Variants in AMPD3 observed in about 807,000 individuals in gnomAD.
The protein encoded by AMPD3 is AMP deaminase 3.
A neutral mutation model predicts 82.3 loss-of-function variants in AMPD3; 57 were observed. That is an observed-to-expected ratio of 0.69 (90% CI 0.56 to 0.86). The LOEUF (loss-of-function observed/expected upper bound fraction) is 0.86, where lower values mean the gene tolerates loss of function less well. AMPD3 is among the 40% of genes least tolerant of loss of function. AMPD3 has a pLI of 0.00. For synonymous variants in AMPD3, 381 were observed against 394.7 expected, an observed-to-expected ratio of 0.97 and a Z score of 0.41; for missense variants, 870 against 1,003.8, an observed-to-expected ratio of 0.87 and a Z score of 1.80.
In AMPD3 at chr11:10,456,437, A is replaced by T. The variant is rs532021087; in HGVS notation, c.-6+989A>T. On this transcript the variant is annotated intron_variant, in intron 1 of 14. Transcript: ENST00000396553. The surrounding 1 kb of genome is among the most constrained non-coding windows in gnomAD (Gnocchi z 4.3). ...GGGGCTTCTGCAAGGGGAGTCTGGC[A>T]AGAGTAGGAACCAGCTTCCTTCGTA... is the stretch of plus-strand genomic sequence containing the variant. 3 of 1,613,780 alleles carry T rather than the reference A, an allele frequency of 1.9e-6. No homozygotes were observed. In the African/African-American group the frequency reaches 4.0e-5, roughly 22 times the overall value.
chr11:10,455,872 T>A (rs957679588), intron 1 of AMPD3: 5 of 981,346 alleles, frequency 5.1e-6, no homozygotes, highest in Non-Finnish European at 6.1e-6. Context: ...CTGAGACCAA[T>A]CCCCTTGATA....
intron 11 of AMPD3, chr11:10,500,989 G>A (rs1306419011): frequency 3.0e-6 from 3 of 985,314 alleles, no homozygotes; most frequent in Non-Finnish European, 2.4e-6. Context: ...GAAATGGCCT[G>A]GCAGGGTGGA....
chr11:10,460,095 A>G (rs577922466), intron 1 of AMPD3, among the ~76,000 whole-genome samples: 124 of 145,564 alleles, frequency 8.5e-4, no homozygotes, highest in African/African-American at 2.7e-3. Context: ...ATATATATAT[A>G]TATATTTTAT....
intron 2 of AMPD3, among the ~76,000 whole-genome samples, chr11:10,466,500 C>T (rs1848426193): frequency 6.6e-6 from 1 of 152,196 alleles, no homozygotes; most frequent in African/African-American, 2.4e-5. Context: ...GATTTCTTCT[C>T]TCTGGGCAGG....
At position 10,482,044 on chromosome 11, in the gene AMPD3, G is replaced by T. The variant is rs371419233; in HGVS notation, c.427-19G>T. The T allele has an allele frequency of 7.4e-6, 12 of 1,614,142 alleles. No homozygotes were observed. Among genetic ancestry groups the T allele is most frequent in the African/African-American group, 1.3e-5 (1 of 75,060 alleles). Reference sequence around the variant, plus strand: ...AGGCCTGCTGCATGAACCCTTTCCTGCCTGCCTCCCTTCTGCAGATCACTT... The same window carrying T: ...AGGCCTGCTGCATGAACCCTTTCCTTCCTGCCTCCCTTCTGCAGATCACTT... On this transcript the variant is annotated intron_variant, in intron 3 of 14. Transcript: ENST00000396553.
At chr11:10,472,745 T>G (rs531561584) in intron 2 of AMPD3, among the ~76,000 whole-genome samples, 16 of 152,336 alleles carry the variant, frequency 1.1e-4, no homozygotes, top group Non-Finnish European at 2.1e-4. Flanking sequence ...GGCTCACACC[T>G]GTAATCCCAG....
intron 5 of AMPD3, among the ~76,000 whole-genome samples, chr11:10,485,536 T>A (rs1849043667): frequency 6.6e-6 from 1 of 152,102 alleles, no homozygotes; most frequent in South Asian, 2.1e-4. Flanking sequence ...TAAGCCACTG[T>A]GACCGGCCTC....
chr11:10,452,652 T>A (rs12790244), upstream of AMPD3, among the ~76,000 whole-genome samples: 1 of 152,218 alleles, frequency 6.6e-6, no homozygotes, highest in Admixed American at 6.5e-5. Flanking sequence ...GGATTCAGTG[T>A]CTAGATAAAA....
intron 12 of AMPD3, chr11:10,502,505 G>T: frequency 5.1e-6 from 5 of 985,480 alleles, no homozygotes; most frequent in Non-Finnish European, 6.0e-6. Flanking sequence ...GCACCAGGGA[G>T]GGCTGGCATG....
chr11:10,456,114 C>A lies in AMPD3; in HGVS notation c.-6+666C>A. The A allele has an allele frequency of 7.6e-6, 10 of 1,316,684 alleles. No individual in the cohort carries two copies. The South Asian group carries it at 1.7e-4, about 22-fold the overall frequency. 81.6% of individuals were successfully genotyped at this position (1,316,684 alleles called of 1,614,324 possible). A position where few individuals can be genotyped will look rare whatever the true frequency, so the allele number is the denominator to read the frequency against. On this transcript the variant is annotated intron_variant, in intron 1 of 14. Coordinates refer to ENST00000396553, the MANE Select transcript of AMPD3 (RefSeq NM_001025389.2). This position sits in a 1 kb window ranked among gnomAD's most constrained non-coding sequence, Gnocchi z 4.3. ...GGACACTGCATTCAGGATACCACAGCCATTTTGTTTTGGATAACTGGGATT... is the reference window on the plus strand; with the variant it reads ...GGACACTGCATTCAGGATACCACAGACATTTTGTTTTGGATAACTGGGATT...
At chr11:10,468,079 A>G (rs1184782249) in intron 2 of AMPD3, among the ~76,000 whole-genome samples, 1 of 152,244 alleles carries the variant, frequency 6.6e-6, no homozygotes, top group African/African-American at 2.4e-5. Flanking sequence ...AATTGTAAAG[A>G]CTATCAACAC....
At position 10,504,485 on chromosome 11, in the gene AMPD3, CAT is replaced by C. The variant is rs1184062979; in HGVS notation, c.2017-63_2017-62del. 4.7e-6 allele frequency: 7 copies of C among 1,488,888 alleles called. No individual in the cohort carries two copies. In the East Asian group the frequency reaches 1.6e-4, roughly 34 times the overall value. 92.2% of individuals were successfully genotyped at this position (1,488,888 alleles called of 1,614,324 possible). A position where few individuals can be genotyped will look rare whatever the true frequency, so the allele number is the denominator to read the frequency against. Reference sequence around the variant, plus strand: ...AGTGTCTGATGTTGTTAGCTTTGGACATGTGTGAACGATTGACATGGATATCC... The same window carrying C: ...AGTGTCTGATGTTGTTAGCTTTGGACGTGTGAACGATTGACATGGATATCC... On this transcript the variant is annotated intron_variant, in intron 13 of 14. Coordinates refer to ENST00000396553, the MANE Select transcript of AMPD3 (RefSeq NM_001025389.2).
At chr11:10,500,623 A>T (rs1024460111) in intron 11 of AMPD3, 1 of 985,354 alleles carries the variant, frequency 1.0e-6, no homozygotes. Flanking sequence ...ATGCTATCAC[A>T]CATGCACGGT....
At chr11:10,450,718 G>T, upstream of AMPD3, 1 of 1,103,056 alleles carries the variant, frequency 9.1e-7, no homozygotes, top group Non-Finnish European at 1.1e-6. Context: ...CGCGGCCCGG[G>T]CGCTTCAGGT....
intron 2 of AMPD3, among the ~76,000 whole-genome samples, chr11:10,467,456 C>T (rs911099886): frequency 6.6e-6 from 1 of 151,720 alleles, no homozygotes; most frequent in Non-Finnish European, 1.5e-5. Context: ...AATAAGAAGA[C>T]AAGATAAGAG....
At chr11:10,470,712 T>C (rs1156290375) in intron 2 of AMPD3, among the ~76,000 whole-genome samples, 1 of 152,160 alleles carries the variant, frequency 6.6e-6, no homozygotes, top group Non-Finnish European at 1.5e-5. Context: ...CCATTCACAA[T>C]TGCCACTAGG....
At chr11:10,497,301 T>TC (rs397731589) in intron 10 of AMPD3, among the ~76,000 whole-genome samples, 8 of 151,456 alleles carry the variant, frequency 5.3e-5, no homozygotes, top group African/African-American at 1.2e-4. Context: ...GGTTTTTTTT[T>TC]CGGAAATGCA....
chr11:10,480,284 T>C (rs888395246), intron 3 of AMPD3, among the ~76,000 whole-genome samples: 5 of 152,210 alleles, frequency 3.3e-5, no homozygotes, highest in African/African-American at 1.2e-4. Flanking sequence ...TCCTTAGCCA[T>C]GGCATGAGCC....
At chr11:10,489,985 T>C (rs990136593) in intron 6 of AMPD3, among the ~76,000 whole-genome samples, 1 of 152,180 alleles carries the variant, frequency 6.6e-6, no homozygotes, top group Non-Finnish European at 1.5e-5. Context: ...CTGGCCTTGA[T>C]AGCACTCTCA....
Sources: allele counts gnomAD v4.1 joint callset (sites outside exome capture counted in the v4.1 genomes callset), GRCh38; gene constraint gnomAD v4.1.1; non-coding constraint Gnocchi (gnomAD v3.1); transcripts MANE v1.5; gene names NCBI Gene and HGNC (gene_info 2026-07-23, HGNC 2026-07-21).